Variants in NPNT observed in about 807,000 individuals in gnomAD.
NPNT encodes the protein nephronectin.
A neutral mutation model predicts 68.6 loss-of-function variants in NPNT; 45 were observed. That is an observed-to-expected ratio of 0.66 (90% CI 0.52 to 0.84). The LOEUF is 0.84. Among genes scored for constraint, NPNT ranks in the 40% least tolerant of loss-of-function variants. The probability of loss-of-function intolerance (pLI) is 0.00; values close to 1 mark genes in which losing one functional copy is unlikely to be tolerated. For missense variants in NPNT, 672 were observed against 714.8 expected, an observed-to-expected ratio of 0.94 and a Z score of 0.68; for synonymous variants, 233 against 253.3, an observed-to-expected ratio of 0.92 and a Z score of 0.76.
chr4:105,958,739 TA>T (rs1731441987), intron 9 of NPNT, among the ~76,000 whole-genome samples, 182 bp downstream of exon 9: 1 of 152,374 alleles, frequency 6.6e-6, no homozygotes, highest in Non-Finnish European at 1.5e-5. Flanking sequence ...TTTTCTTTTT[TA>T]AAAAAATTTT....
chr4:105,898,312 G>GTCTCTCTCTCTCTCTCTC (rs1386038909), intron 2 of NPNT, among the ~76,000 whole-genome samples: 2 of 39,166 alleles, frequency 5.1e-5, no homozygotes, highest in Non-Finnish European at 5.6e-5. Context: ...CTCTCTCTCT[G>GTCTCTCTCTCTCTCTCTC]TCTCTCTCTC....
intron 2 of NPNT, among the ~76,000 whole-genome samples, chr4:105,920,799 A>G (rs893112771): frequency 6.6e-6 from 1 of 152,152 alleles, no homozygotes; most frequent in African/African-American, 2.4e-5. Flanking sequence ...TATAAAGACT[A>G]GACACGTTAT....
At chr4:105,959,795 C>G (rs1001183754) in intron 10 of NPNT, among the ~76,000 whole-genome samples, 1 of 151,144 alleles carries the variant, frequency 6.6e-6, no homozygotes, top group East Asian at 1.9e-4. Context: ...CTTTTCTCCC[C>G]TCAGTAGTTA....
chr4:105,924,103 C>T (rs899673190), intron 2 of NPNT, among the ~76,000 whole-genome samples: 4 of 151,832 alleles, frequency 2.6e-5, no homozygotes, highest in African/African-American at 9.7e-5. Flanking sequence ...CTGCTCTTAC[C>T]TCTAACACAC....
intron 8 of NPNT, among the ~76,000 whole-genome samples, chr4:105,943,510 T>G (rs930095584): frequency 3.9e-5 from 6 of 152,184 alleles, no homozygotes; most frequent in Admixed American, 1.3e-4. Context: ...ACTCCCAGAT[T>G]CTTAGCAGGT....
intron 8 of NPNT, among the ~76,000 whole-genome samples, chr4:105,953,962 G>A (rs1200252310): frequency 6.6e-6 from 1 of 152,164 alleles, no homozygotes; most frequent in Non-Finnish European, 1.5e-5. Context: ...TGAGCAGTGG[G>A]AGGTGTATAT....
At chr4:105,946,642 G>T (rs561049555) in intron 8 of NPNT, among the ~76,000 whole-genome samples, 96 of 152,244 alleles carry the variant, frequency 6.3e-4, no homozygotes, top group African/African-American at 2.2e-3. Context: ...TTTCAAAAGG[G>T]TAGGGGGTAC....
At chr4:105,905,607 T>C (rs1449478009) in intron 2 of NPNT, among the ~76,000 whole-genome samples, 1 of 152,220 alleles carries the variant, frequency 6.6e-6, no homozygotes, top group Non-Finnish European at 1.5e-5. Flanking sequence ...TTTAAATGGC[T>C]ATACAGTATG....
At chr4:105,929,881 G>T (rs1728976718) in intron 3 of NPNT, among the ~76,000 whole-genome samples, 1 of 151,888 alleles carries the variant, frequency 6.6e-6, no homozygotes, top group South Asian at 2.1e-4. Flanking sequence ...CAGAAAACCA[G>T]TTTAACATGT....
At chr4:105,938,553 G>A in intron 5 of NPNT, 133 bp downstream of exon 5, 1 of 899,884 alleles carries the variant, frequency 1.1e-6, no homozygotes, top group Non-Finnish European at 1.6e-6. Flanking sequence ...GAAGATATCA[G>A]ATGTCTCAGA....
At chr4:105,902,473 T>G (rs905494247) in intron 2 of NPNT, among the ~76,000 whole-genome samples, 7 of 152,220 alleles carry the variant, frequency 4.6e-5, no homozygotes, top group African/African-American at 1.7e-4. Flanking sequence ...GGGGCCAGCT[T>G]GGTGGAGCGG....
At chr4:105,932,816 C>T in intron 3 of NPNT, 2 of 690,618 alleles carry the variant, frequency 2.9e-6, no homozygotes, top group South Asian at 1.9e-5. Flanking sequence ...CAGCCTTCAG[C>T]CCTGAGCATG....
chr4:105,970,447 G>A lies in NPNT; in HGVS notation c.*1457G>A, dbSNP rs1019478397. The A allele has an allele frequency of 5.3e-5, 37 of 700,378 alleles. No homozygotes were observed. The highest frequency in any genetic ancestry group is 7.8e-5 in the Non-Finnish European group (30 of 383,230). The allele number at this position is 700,378 out of a possible 1,614,324, so 43.4% of individuals were successfully genotyped here. A position where few individuals can be genotyped will look rare whatever the true frequency, so the allele number is the denominator to read the frequency against. On this transcript the variant is annotated 3_prime_UTR_variant, in exon 12 of 12. Transcript: ENST00000379987. The stretch of plus-strand genomic sequence containing the variant: ...CTATGATGGAAAATTAAAGGAACTG[G>A]GATTATTGAGCCTGGAGAAGAGAAG...
At position 105,967,425 on chromosome 4, in the gene NPNT, G is replaced by T. The variant is rs199795974; in HGVS notation, c.1583G>T (p.Arg528Leu). 1 of 1,595,290 alleles carries T rather than the reference G, an allele frequency of 6.3e-7. No homozygotes were observed. Among genetic ancestry groups the T allele is most frequent in the Admixed American group, 1.7e-5 (1 of 57,422 alleles). The change falls in exon 11 of 12, where the codon CGA (arginine) becomes CTA (leucine). Residue 528 changes from arginine (R) to leucine (L), a missense_variant. Transcript: ENST00000379987. ...TGGAGGCAAACACAGATCACCTTGC[G>T]AGGGGCTGACATCAAGAGCGTAAGT... ...HGWRQTQITL[R>L]GADIKSVVFK... is the part of the protein sequence containing the mutation.
At chr4:105,933,989 T>C (rs1729324314) in intron 3 of NPNT, among the ~76,000 whole-genome samples, 2 of 152,182 alleles carry the variant, frequency 1.3e-5, no homozygotes, top group Admixed American at 1.3e-4. Flanking sequence ...AAATTTTTTA[T>C]TTTCCTATTT....
At chr4:105,941,435 G>A (rs888061755) in intron 7 of NPNT, among the ~76,000 whole-genome samples, 2 of 152,006 alleles carry the variant, frequency 1.3e-5, no homozygotes, top group Non-Finnish European at 1.5e-5. Context: ...TTTATTTGGA[G>A]TAGTGGTTAT....
chr4:105,936,214 C>T (rs1729479139), intron 3 of NPNT, among the ~76,000 whole-genome samples: 1 of 152,094 alleles, frequency 6.6e-6, no homozygotes, highest in South Asian at 2.1e-4. Flanking sequence ...TACATTTTGT[C>T]CATTAGTGTT....
rs58673636 is a variant in NPNT at position 105,898,380 on chromosome 4, C to CTCTCTCTT, written c.172+379_172+380insTCTCTCTT. On this transcript the variant is annotated intron_variant, in intron 2 of 11. Coordinates refer to ENST00000379987, the MANE Select transcript of NPNT (RefSeq NM_001033047.3). Reference sequence around the variant, plus strand: ...TCTCTCTCTCTCTCTCTCTCTCTCTCGCTGACTCGCTTGCTCCAGGCTGGG... The same window carrying CTCTCTCTT: ...TCTCTCTCTCTCTCTCTCTCTCTCTCTCTCTCTTGCTGACTCGCTTGCTCCAGGCTGGG... Among the ~76,000 whole-genome samples, 331 of 112,488 alleles carry CTCTCTCTT rather than the reference C, an allele frequency of 2.9e-3. 26 individuals carry two copies. Among genetic ancestry groups the CTCTCTCTT allele is most frequent in the African/African-American group, 0.014 (316 of 23,018 alleles). The allele number at this position is 112,488 out of a possible 152,430, so 73.8% of individuals were successfully genotyped here.
intron 2 of NPNT, chr4:105,912,143 A>G (rs1263337625): frequency 1.0e-5 from 14 of 1,388,404 alleles, no homozygotes; most frequent in Admixed American, 2.0e-5. Flanking sequence ...GCCTCCTTAC[A>G]GAGAAAAGAT....
Sources: gnomAD v4.1 joint callset for allele counts (sites outside exome capture counted in the v4.1 genomes callset) on GRCh38, gnomAD v4.1.1 for gene constraint, MANE v1.5 for transcripts, NCBI Gene and HGNC (gene_info 2026-07-23, HGNC 2026-07-21) for gene names.